STAU2: variants seen among roughly 807,000 people sequenced by gnomAD.
The protein encoded by STAU2 is staufen double-stranded RNA binding protein 2.
In STAU2, 20 loss-of-function variants were observed where a neutral mutation model predicts 65.9. The observed-to-expected ratio is 0.30, with a 90% confidence interval of 0.21 to 0.44. STAU2 has a LOEUF of 0.44. Among genes scored for constraint, STAU2 ranks in the 20% least tolerant of loss-of-function variants. The probability of loss-of-function intolerance (pLI) is 1.00; values close to 1 mark genes in which losing one functional copy is unlikely to be tolerated. For synonymous variants in STAU2, 232 were observed against 233.9 expected, an observed-to-expected ratio of 0.99 and a Z score of 0.07; for missense variants, 558 against 683.9, an observed-to-expected ratio of 0.82 and a Z score of 2.05.
chr8:73,604,374 G>A (rs1321946835), intron 9 of STAU2, among the ~76,000 whole-genome samples: 25 of 151,866 alleles, frequency 1.6e-4, no homozygotes, highest in South Asian at 2.1e-4. Context: ...AACTACAGGC[G>A]CGCCCACACC....
intron 11 of STAU2, among the ~76,000 whole-genome samples, chr8:73,586,440 G>T (rs1810379283): frequency 6.6e-6 from 1 of 152,004 alleles, no homozygotes; most frequent in Non-Finnish European, 1.5e-5. Context: ...GTTGGGAGAG[G>T]CTAAAACAGA....
Position 73,649,884 on chromosome 8 carries a change from T to TAC in STAU2, c.410+23222_410+23223insGT. On this transcript the variant is annotated intron_variant, in intron 6 of 14. Coordinates refer to ENST00000524300, the MANE Select transcript of STAU2 (RefSeq NM_001164380.2). ...CTATATAATTTTATATATATATATA[T>TAC]ATATATATATATATATATATATATG... Among the ~76,000 whole-genome samples the TAC allele has an allele frequency of 1.6e-5, 2 of 127,282 alleles. 1 individual carries two copies. The highest frequency in any genetic ancestry group is 5.2e-4 in the South Asian group (2 of 3,812). The allele number at this position is 127,282 out of a possible 152,430, so 83.5% of individuals were successfully genotyped here.
intron 6 of STAU2, among the ~76,000 whole-genome samples, chr8:73,637,730 A>T (rs1481739897): frequency 1.3e-5 from 2 of 151,954 alleles, no homozygotes; most frequent in African/African-American, 4.8e-5. Flanking sequence ...AACAAACACA[A>T]ACACAAAAAC....
At chr8:73,473,727 A>G (rs1161208160) in intron 13 of STAU2, among the ~76,000 whole-genome samples, 3 of 152,214 alleles carry the variant, frequency 2.0e-5, no homozygotes, top group Non-Finnish European at 2.9e-5. Flanking sequence ...CTCCTAATAC[A>G]GCACCATCAC....
At chr8:73,617,499 C>G (rs909852561) in intron 6 of STAU2, 48 bp from the exon 7 acceptor site, 1 of 1,529,610 alleles carries the variant, frequency 6.5e-7, no homozygotes, top group African/African-American at 1.4e-5. Flanking sequence ...TAAAACCACT[C>G]TATAATCATT....
intron 6 of STAU2, among the ~76,000 whole-genome samples, chr8:73,667,746 T>A (rs748842243): frequency 1.3e-5 from 2 of 152,202 alleles, no homozygotes; most frequent in African/African-American, 4.8e-5. Flanking sequence ...TGGCAATGAG[T>A]AGGCATGCAA....
intron 13 of STAU2, among the ~76,000 whole-genome samples, chr8:73,470,762 C>A (rs1585824186): frequency 6.6e-6 from 1 of 151,968 alleles, no homozygotes. Context: ...TATGATTGCA[C>A]CACTGTACTC....
chr8:73,707,802 C>T (rs1820620046), intron 4 of STAU2, among the ~76,000 whole-genome samples: 4 of 152,070 alleles, frequency 2.6e-5, no homozygotes, highest in South Asian at 4.2e-4. Context: ...AACACAGTAA[C>T]GGCTACCACA....
intron 13 of STAU2, among the ~76,000 whole-genome samples, chr8:73,547,041 T>C (rs980605558): frequency 6.6e-6 from 1 of 152,234 alleles, no homozygotes; most frequent in Non-Finnish European, 1.5e-5. Context: ...ATAGTTCTAC[T>C]TGGAAAGGAC....
At chr8:73,474,318 C>T (rs1820201671) in intron 13 of STAU2, among the ~76,000 whole-genome samples, 1 of 152,030 alleles carries the variant, frequency 6.6e-6, no homozygotes, top group Admixed American at 6.6e-5. Flanking sequence ...GATATTTCAC[C>T]TTATAAAATG....
chr8:73,619,502 C>A (rs1052298354), intron 6 of STAU2, among the ~76,000 whole-genome samples: 2 of 152,162 alleles, frequency 1.3e-5, no homozygotes, highest in East Asian at 3.8e-4. Flanking sequence ...CGCTCTATGT[C>A]CAACCTGAGA....
chr8:73,554,623 G>A (rs578168715), intron 12 of STAU2, among the ~76,000 whole-genome samples: 39 of 152,238 alleles, frequency 2.6e-4, no homozygotes, highest in African/African-American at 9.4e-4. Context: ...TGCTCACCCG[G>A]CATACAGGAG....
intron 6 of STAU2, among the ~76,000 whole-genome samples, chr8:73,644,162 A>G (rs574559531): frequency 1.9e-4 from 29 of 152,376 alleles, no homozygotes; most frequent in South Asian, 6.2e-4. Flanking sequence ...AAACACTTGG[A>G]AACTACACTT....
At chr8:73,673,280 A>G in intron 5 of STAU2, 38 bp from the exon 6 acceptor site, 1 of 1,492,084 alleles carries the variant, frequency 6.7e-7, no homozygotes, top group Non-Finnish European at 9.0e-7. Context: ...CACAAGTGAA[A>G]TATCTTCACA....
At chr8:73,593,418 T>G (rs1368830572) in intron 11 of STAU2, among the ~76,000 whole-genome samples, 1 of 152,234 alleles carries the variant, frequency 6.6e-6, no homozygotes, top group Non-Finnish European at 1.5e-5. Context: ...CCTCACTCCC[T>G]GCACTTAAAG....
chr8:73,669,044 A>AATC (rs1817456387), intron 6 of STAU2: 1 of 554,124 alleles, frequency 1.8e-6, no homozygotes. Flanking sequence ...CTGGGTTCTG[A>AATC]CAAGGAAAAG....
At chr8:73,629,986 A>G (rs990643574) in intron 6 of STAU2, among the ~76,000 whole-genome samples, 2 of 152,154 alleles carry the variant, frequency 1.3e-5, no homozygotes, top group Admixed American at 6.5e-5. Flanking sequence ...ACTTTGCTCA[A>G]CTACCTGGAT....
At chr8:73,687,911 T>TC (rs1191782559) in intron 5 of STAU2, among the ~76,000 whole-genome samples, 1 of 151,664 alleles carries the variant, frequency 6.6e-6, no homozygotes, top group Admixed American at 6.6e-5. Context: ...AGACAGGGTT[T>TC]CACTGTGTTA....
chr8:73,621,970 T>TG (rs1394463238), intron 6 of STAU2, among the ~76,000 whole-genome samples: 2 of 150,484 alleles, frequency 1.3e-5, no homozygotes, highest in Non-Finnish European at 3.0e-5. Flanking sequence ...TTTTTTTTTT[T>TG]TCCTGAGACG....
Sources: allele counts gnomAD v4.1 joint callset (sites outside exome capture counted in the v4.1 genomes callset), GRCh38; gene constraint gnomAD v4.1.1; transcripts MANE v1.5; gene names NCBI Gene and HGNC (gene_info 2026-07-23, HGNC 2026-07-21).